Variants in DLG2 observed in about 807,000 individuals in gnomAD.
DLG2 encodes discs large MAGUK scaffold protein 2, also known as disks large homolog 2.
Under a neutral mutation model 132.5 loss-of-function variants are expected in DLG2, and 45 were observed. That is an observed-to-expected ratio of 0.34 (90% CI 0.27 to 0.44). DLG2 has a LOEUF of 0.44. Ranked by LOEUF, DLG2 falls within the 20% of genes least tolerant of loss-of-function variation. The pLI, the probability that DLG2 is intolerant of heterozygous loss-of-function variation, is 1.00. For missense variants in DLG2, 1,045 were observed against 1,196.9 expected (o/e 0.87, Z 1.87); for synonymous variants, 424 against 419.6 (o/e 1.01, Z -0.13).
At chr11:85,296,367 G>A (rs1376142571) in intron 3 of DLG2, among the ~76,000 whole-genome samples, 4 of 151,510 alleles carry the variant, frequency 2.6e-5, no homozygotes, top group Non-Finnish European at 5.9e-5. Context: ...CTCTGTCTCT[G>A]ACATGTAAAA....
intron 11 of DLG2, among the ~76,000 whole-genome samples, chr11:84,047,278 T>C (rs2096261333): frequency 6.6e-6 from 1 of 151,682 alleles, no homozygotes; most frequent in Non-Finnish European, 1.5e-5. Context: ...TAGATGATTG[T>C]TTTCTGTGCA....
At chr11:83,923,777 A>T (rs2078402923) in intron 15 of DLG2, among the ~76,000 whole-genome samples, 1 of 152,098 alleles carries the variant, frequency 6.6e-6, no homozygotes, top group South Asian at 2.1e-4. Context: ...TCTATAATAT[A>T]ATACTAACTA....
intron 15 of DLG2, among the ~76,000 whole-genome samples, chr11:83,926,748 T>C (rs1032210165): frequency 6.6e-5 from 10 of 152,128 alleles, no homozygotes; most frequent in Non-Finnish European, 2.9e-5. Flanking sequence ...TAAGTTCTCA[T>C]CTACTTCCGA....
intron 4 of DLG2, among the ~76,000 whole-genome samples, chr11:85,224,747 T>C (rs2074872274): frequency 6.6e-6 from 1 of 152,170 alleles, no homozygotes; most frequent in Non-Finnish European, 1.5e-5. Context: ...ATTACAAATC[T>C]TAAAGAGTTT....
intron 7 of DLG2, among the ~76,000 whole-genome samples, chr11:84,456,154 A>T (rs1273526924): frequency 6.6e-6 from 1 of 151,360 alleles, no homozygotes; most frequent in Non-Finnish European, 1.5e-5. Flanking sequence ...CCCTCAGCTC[A>T]TTCACTGAAG....
At chr11:85,532,874 CCTTAT>C (rs1182910099) in intron 3 of DLG2, among the ~76,000 whole-genome samples, 1 of 152,064 alleles carries the variant, frequency 6.6e-6, no homozygotes, top group African/African-American at 2.4e-5. Context: ...CACACCTGTT[CCTTAT>C]CTTATGTTAA....
chr11:84,319,960 C>G (rs2098394609), intron 7 of DLG2, among the ~76,000 whole-genome samples: 1 of 152,176 alleles, frequency 6.6e-6, no homozygotes, highest in Non-Finnish European at 1.5e-5. Context: ...TTTCTGAGGA[C>G]AGCCCACTTA....
intron 3 of DLG2, among the ~76,000 whole-genome samples, chr11:85,506,913 C>T (rs1307731658): frequency 6.6e-6 from 1 of 152,160 alleles, no homozygotes; most frequent in Non-Finnish European, 1.5e-5. Context: ...GTATTGGGTG[C>T]ATATATATTT....
intron 4 of DLG2, among the ~76,000 whole-genome samples, chr11:85,188,975 A>G (rs1166591626): frequency 6.6e-6 from 1 of 152,204 alleles, no homozygotes; most frequent in Admixed American, 6.5e-5. Context: ...CTGCTAATCT[A>G]TAGATCCATG....
chr11:84,081,550 C>T (rs1594830911), intron 10 of DLG2, among the ~76,000 whole-genome samples: 1 of 152,076 alleles, frequency 6.6e-6, no homozygotes, highest in East Asian at 1.9e-4. Flanking sequence ...TGTTAAATTC[C>T]CTCCTATGAG....
chr11:84,777,499 T>C (rs181511508), intron 6 of DLG2, among the ~76,000 whole-genome samples: 2 of 151,372 alleles, frequency 1.3e-5, no homozygotes, highest in Admixed American at 1.3e-4. Context: ...AGTAGCTGTT[T>C]TTTAGATTTT....
chr11:83,812,432 G>A (rs936714684), intron 17 of DLG2, among the ~76,000 whole-genome samples: 4 of 152,078 alleles, frequency 2.6e-5, no homozygotes, highest in Non-Finnish European at 5.9e-5. Flanking sequence ...GTCATGTCAT[G>A]TACTGAAATC....
chr11:83,736,435 T>C (rs1331342939), intron 18 of DLG2, among the ~76,000 whole-genome samples: 1 of 131,132 alleles, frequency 7.6e-6, no homozygotes, highest in Admixed American at 6.9e-5. Flanking sequence ...AATGCATTTT[T>C]TAGATACAAA....
intron 4 of DLG2, among the ~76,000 whole-genome samples, chr11:85,205,138 ATG>A (rs947729375): frequency 6.9e-5 from 10 of 145,690 alleles, no homozygotes; most frequent in Non-Finnish European, 1.2e-4. Context: ...ATTCATATAT[ATG>A]TGTGTGTATA....
intron 26 of DLG2, 38 bp downstream of exon 26, chr11:83,466,670 A>T (rs760368702): frequency 1.7e-6 from 2 of 1,145,190 alleles, no homozygotes; most frequent in Non-Finnish European, 2.7e-6. Flanking sequence ...CAGAACAGGG[A>T]GTCAGTTGGA....
intron 6 of DLG2, among the ~76,000 whole-genome samples, chr11:84,766,550 A>T (rs1277765778): frequency 6.6e-6 from 1 of 152,086 alleles, no homozygotes; most frequent in Non-Finnish European, 1.5e-5. Context: ...TGTGGAGAAC[A>T]TAACAGCTCA....
chr11:85,002,445 C>G (rs938726184), intron 6 of DLG2, among the ~76,000 whole-genome samples: 6 of 152,132 alleles, frequency 3.9e-5, no homozygotes, highest in Admixed American at 3.3e-4. Context: ...TAGTGTTTCT[C>G]AAAGTAGGGC....
intron 7 of DLG2, among the ~76,000 whole-genome samples, chr11:84,290,765 A>G (rs1226484746): frequency 1.3e-5 from 2 of 152,168 alleles, no homozygotes; most frequent in Non-Finnish European, 2.9e-5. Flanking sequence ...GTCTCCAAAG[A>G]CAGTGATCAG....
intron 7 of DLG2, among the ~76,000 whole-genome samples, chr11:84,431,040 G>A (rs1366482753): frequency 6.6e-6 from 1 of 152,030 alleles, no homozygotes; most frequent in Non-Finnish European, 1.5e-5. Flanking sequence ...TGATCACTGA[G>A]GACTGGTGAA....
Sources: allele counts gnomAD v4.1 joint callset (sites outside exome capture counted in the v4.1 genomes callset), GRCh38; gene constraint gnomAD v4.1.1; transcripts MANE v1.5; gene names NCBI Gene and HGNC (gene_info 2026-07-23, HGNC 2026-07-21).